CFAP52: variants seen among roughly 807,000 people sequenced by gnomAD.
CFAP52 encodes the protein cilia- and flagella-associated protein 52.
A neutral mutation model predicts 70.5 loss-of-function variants in CFAP52; 57 were observed. The ratio of observed to expected loss-of-function variants is 0.81; its 90% CI spans 0.65 to 1.01. CFAP52 has a LOEUF of 1.01. CFAP52 is among the 50% of genes least tolerant of loss of function. The pLI is 0.00. For synonymous variants in CFAP52, 267 were observed against 292.5 expected (o/e 0.91, Z 0.89); for missense variants, 785 against 788.5 (o/e 1.00, Z 0.05).
At chr17:9,581,661 G>A (rs1908233936) in intron 1 of CFAP52, among the ~76,000 whole-genome samples, 1 of 152,014 alleles carries the variant, frequency 6.6e-6, no homozygotes, top group Admixed American at 6.6e-5. Flanking sequence ...GAATTGTAGT[G>A]GACATGCGTA....
chr17:9,585,129 C>CT (rs1908395722), intron 1 of CFAP52, among the ~76,000 whole-genome samples: 2 of 152,266 alleles, frequency 1.3e-5, no homozygotes, highest in East Asian at 3.9e-4. Flanking sequence ...TGCATTCGTG[C>CT]TTTTTAGGAT....
At chr17:9,615,260 C>G (rs975885758) in intron 8 of CFAP52, among the ~76,000 whole-genome samples, 1 of 152,126 alleles carries the variant, frequency 6.6e-6, no homozygotes. Context: ...ACCAATGAAA[C>G]TTGTGTAATA....
In CFAP52 at chr17:9,586,057, A is replaced by G. The variant is rs145618994; in HGVS notation, c.270+85A>G. Reference sequence around the variant, plus strand: ...TGCCCCACTTCAAGTTGTTAGTTCTATGTGGCAATGTGCTTTATTCTTCCT... The same window carrying G: ...TGCCCCACTTCAAGTTGTTAGTTCTGTGTGGCAATGTGCTTTATTCTTCCT... On this transcript the variant is annotated intron_variant, in intron 2 of 13. Coordinates refer to ENST00000352665, the MANE Select transcript of CFAP52 (RefSeq NM_145054.5). The G allele has an allele frequency of 4.1e-4, 542 of 1,325,350 alleles. 2 individuals carry two copies. In the African/African-American group the frequency reaches 7.0e-3, roughly 17 times the overall value. 82.1% of individuals were successfully genotyped at this position (1,325,350 alleles called of 1,614,324 possible). A position where few individuals can be genotyped will look rare whatever the true frequency, so the allele number is the denominator to read the frequency against.
intron 8 of CFAP52, among the ~76,000 whole-genome samples, chr17:9,622,970 T>C (rs969045196): frequency 6.6e-6 from 1 of 152,196 alleles, no homozygotes; most frequent in African/African-American, 2.4e-5. Flanking sequence ...AAGCTTTTAA[T>C]GTAGTTAGTG....
At chr17:9,598,641 A>G (rs1458350329) in intron 5 of CFAP52, 3 of 170,654 alleles carry the variant, frequency 1.8e-5, no homozygotes, top group Non-Finnish European at 2.5e-5. Context: ...GGTGCCTGTA[A>G]TCCCAGCTAC....
At chr17:9,643,506 TG>T, downstream of CFAP52, 1 of 227,752 alleles carries the variant, frequency 4.4e-6, no homozygotes, top group Non-Finnish European at 8.4e-6. Flanking sequence ...CCTCATGATC[TG>T]TGCACAGACA....
rs1220575918 is a variant in CFAP52, at chr17:9,617,097, T to C, written c.1025+4618T>C. ...ACCAAAGGCAAAGAAGTTGAAAACT[T>C]TGAAAAAAATTTAGAAGAATGTATA... On this transcript the variant is annotated intron_variant, in intron 8 of 13. Transcript: ENST00000352665. Among the ~76,000 whole-genome samples, 9 of 75,378 alleles carry C rather than the reference T, an allele frequency of 1.2e-4. 1 individual carries two copies. The highest frequency in any genetic ancestry group is 2.0e-4 in the Non-Finnish European group (9 of 45,678). 49.5% of individuals were successfully genotyped at this position (75,378 alleles called of 152,430 possible). A position where few individuals can be genotyped will look rare whatever the true frequency, so the allele number is the denominator to read the frequency against.
chr17:9,583,103 G>T (rs964731296), intron 1 of CFAP52, among the ~76,000 whole-genome samples: 5 of 152,104 alleles, frequency 3.3e-5, no homozygotes, highest in African/African-American at 1.2e-4. Flanking sequence ...TTTGTGTAAG[G>T]TGTGAATTAT....
chr17:9,634,310 A>G (rs1453660729), intron 10 of CFAP52, among the ~76,000 whole-genome samples: 2 of 152,192 alleles, frequency 1.3e-5, no homozygotes, highest in South Asian at 2.1e-4. Flanking sequence ...GCATCTGACT[A>G]CTATGTTTTC....
chr17:9,621,883 T>C (rs1334612262), intron 8 of CFAP52, among the ~76,000 whole-genome samples: 2 of 144,742 alleles, frequency 1.4e-5, no homozygotes, highest in Non-Finnish European at 3.0e-5. Flanking sequence ...AGGGATAGCA[T>C]TGGGAGATAT....
intron 1 of CFAP52, among the ~76,000 whole-genome samples, chr17:9,581,241 C>T (rs188965360): frequency 3.3e-5 from 5 of 152,258 alleles, no homozygotes; most frequent in East Asian, 1.9e-4. Context: ...GGCGTGAACC[C>T]GGAAGTGCTG....
chr17:9,608,065 A>T (rs952096347), intron 6 of CFAP52, 54 bp from the exon 7 acceptor site: 32 of 1,463,048 alleles, frequency 2.2e-5, no homozygotes, highest in Admixed American at 2.0e-4. Context: ...TACATTCTTT[A>T]GTGGTGATTT....
chr17:9,589,294 T>C (rs577121006), intron 3 of CFAP52, among the ~76,000 whole-genome samples: 2 of 152,312 alleles, frequency 1.3e-5, no homozygotes, highest in African/African-American at 2.4e-5. Context: ...ACAAAGGAAA[T>C]TTATATTTGT....
chr17:9,584,602 T>TATACAAC, intron 1 of CFAP52, among the ~76,000 whole-genome samples: 2 of 35,574 alleles, frequency 5.6e-5, no homozygotes, highest in African/African-American at 1.3e-4. Context: ...AGCAGATTAA[T>TATACAAC]GCAGTATTTT....
intron 1 of CFAP52, among the ~76,000 whole-genome samples, chr17:9,577,258 C>G (rs895042394): frequency 6.6e-5 from 10 of 152,134 alleles, no homozygotes; most frequent in African/African-American, 1.7e-4. Context: ...TTGAGCAACC[C>G]CCTGAGGGGA....
intron 6 of CFAP52, among the ~76,000 whole-genome samples, chr17:9,605,744 G>A (rs1322754881): frequency 6.6e-6 from 1 of 150,882 alleles, no homozygotes; most frequent in Non-Finnish European, 1.5e-5. Context: ...CCATGGGTTA[G>A]CAGGGAGGGA....
chr17:9,643,997 G>A (rs761087559), downstream of CFAP52, among the ~76,000 whole-genome samples: 9 of 152,168 alleles, frequency 5.9e-5, no homozygotes, highest in East Asian at 1.9e-4. Context: ...GCAAGTCTCC[G>A]ATTCACAGTA....
intron 8 of CFAP52, among the ~76,000 whole-genome samples, chr17:9,626,595 C>T (rs901601986): frequency 6.6e-6 from 1 of 152,174 alleles, no homozygotes; most frequent in Non-Finnish European, 1.5e-5. Context: ...ATGAGTACAC[C>T]TCTTTAAGAG....
At position 9,643,126 on chromosome 17, in the gene CFAP52, A is replaced by C; in HGVS notation, c.1791A>C (p.Pro597=). 1 of 1,613,910 alleles carries C rather than the reference A, an allele frequency of 6.2e-7. No homozygotes were observed. The highest frequency in any genetic ancestry group is 2.2e-5 in the East Asian group (1 of 44,878). The part of the protein sequence containing the change: ...SGNITRIRIS[P]GNQYIVSVSA... ...ACATCACACGCATCCGCATAAGTCC[A>C]GGAAATCAATATATTGTTAGTGTAA... Residue 597 remains proline (P), a synonymous_variant, in exon 14 of 14, where the codon CCA becomes CCC. Coordinates refer to ENST00000352665, the MANE Select transcript of CFAP52 (RefSeq NM_145054.5).
Sources: allele counts gnomAD v4.1 joint callset (sites outside exome capture counted in the v4.1 genomes callset), GRCh38; gene constraint gnomAD v4.1.1; transcripts MANE v1.5; gene names NCBI Gene and HGNC (gene_info 2026-07-23, HGNC 2026-07-21).